The following ROR2 variants were observed in gnomAD, a reference collection of about 807,000 sequenced individuals.
ROR2 encodes ROR family WNT receptor 2.
In ROR2, 33 loss-of-function variants were observed where a neutral mutation model predicts 74.9. The observed-to-expected ratio is 0.44, with a 90% CI of 0.33 to 0.59. The LOEUF (loss-of-function observed/expected upper bound fraction) is 0.59. Among genes scored for constraint, ROR2 ranks in the 20% least tolerant of loss-of-function variants. ROR2 has a pLI of 0.02. For missense variants in ROR2, 1,216 were observed against 1,313.8 expected, an observed-to-expected ratio of 0.93 and a Z score of 1.15; for synonymous variants, 586 against 558.7, an observed-to-expected ratio of 1.05 and a Z score of -0.69.
At chr9:91,730,061 A>G (rs1309466922) in intron 7 of ROR2, among the ~76,000 whole-genome samples, 3 of 152,154 alleles carry the variant, frequency 2.0e-5, no homozygotes, top group African/African-American at 4.8e-5. Context: ...GGCTCAAGCA[A>G]TCCTCCCACC....
At chr9:91,863,713 G>C (rs1459448188) in intron 1 of ROR2, among the ~76,000 whole-genome samples, 1 of 152,138 alleles carries the variant, frequency 6.6e-6, no homozygotes, top group Non-Finnish European at 1.5e-5. Context: ...CAAATCCATA[G>C]AGATGGAAAG....
At chr9:91,861,564 A>G (rs1937165072) in intron 1 of ROR2, among the ~76,000 whole-genome samples, 2 of 152,246 alleles carry the variant, frequency 1.3e-5, no homozygotes, top group African/African-American at 4.8e-5. Flanking sequence ...ACACAAAGGA[A>G]TGAAGTTGGA....
At chr9:91,792,102 A>C (rs1291293012) in intron 1 of ROR2, among the ~76,000 whole-genome samples, 1 of 152,194 alleles carries the variant, frequency 6.6e-6, no homozygotes, top group Non-Finnish European at 1.5e-5. Flanking sequence ...AGCAGAGAAA[A>C]ATTTACAGCT....
At chr9:91,809,915 T>C (rs543629456) in intron 1 of ROR2, among the ~76,000 whole-genome samples, 41 of 152,222 alleles carry the variant, frequency 2.7e-4, no homozygotes, top group Non-Finnish European at 4.8e-4. Flanking sequence ...CAAGGGCAGC[T>C]GGAATTGAAA....
At chr9:91,852,710 C>T (rs1344503569) in intron 1 of ROR2, among the ~76,000 whole-genome samples, 1 of 151,362 alleles carries the variant, frequency 6.6e-6, no homozygotes, top group East Asian at 1.9e-4. Flanking sequence ...TGTAACAGGC[C>T]AAGGCACTGT....
At chr9:91,745,424 C>G (rs900200403) in intron 4 of ROR2, among the ~76,000 whole-genome samples, 2 of 88,572 alleles carry the variant, frequency 2.3e-5, no homozygotes, top group African/African-American at 8.8e-5. Flanking sequence ...CATGCCCAGC[C>G]TATTTTTTTT....
At chr9:91,911,132 C>G (rs963559193) in intron 1 of ROR2, among the ~76,000 whole-genome samples, 3 of 152,208 alleles carry the variant, frequency 2.0e-5, no homozygotes, top group Non-Finnish European at 4.4e-5. Context: ...TGCACACTAC[C>G]CCACCACCTG....
intron 1 of ROR2, among the ~76,000 whole-genome samples, chr9:91,939,864 C>A (rs989978145): frequency 6.6e-6 from 1 of 152,148 alleles, no homozygotes; most frequent in Admixed American, 6.5e-5. Context: ...AACAAGAGCA[C>A]CCACCAAAAG....
intron 1 of ROR2, among the ~76,000 whole-genome samples, chr9:91,830,484 A>C (rs940033759): frequency 3.3e-5 from 5 of 152,182 alleles, no homozygotes; most frequent in African/African-American, 9.7e-5. Flanking sequence ...AAACAAGAAA[A>C]GAAAAGAAAG....
chr9:91,742,572 C>T (rs1034153320), intron 4 of ROR2, among the ~76,000 whole-genome samples: 2 of 152,192 alleles, frequency 1.3e-5, no homozygotes, highest in African/African-American at 2.4e-5. Flanking sequence ...CACCACATAA[C>T]GATGTTTTTG....
At position 91,726,527 on chromosome 9, in the gene ROR2, T is replaced by TA; in HGVS notation, c.1386+13dup. ...GGAAGAGCCACCCGGGTAGAAAATGTAAGGCATGGAGACCTGTTTGTGCTG... is the reference window on the plus strand; with the variant it reads ...GGAAGAGCCACCCGGGTAGAAAATGTAAAGGCATGGAGACCTGTTTGTGCTG... On this transcript the variant is annotated intron_variant, in intron 8 of 8. Transcript: ENST00000375708. 6.2e-7 allele frequency: 1 copy of TA among 1,610,964 alleles called. No homozygotes were observed. The highest frequency in any genetic ancestry group is 8.5e-7 in the Non-Finnish European group (1 of 1,179,612).
At chr9:91,744,566 A>T (rs1345986450) in intron 4 of ROR2, among the ~76,000 whole-genome samples, 3 of 152,152 alleles carry the variant, frequency 2.0e-5, no homozygotes, top group Non-Finnish European at 4.4e-5. Context: ...TTCCTTGAGA[A>T]TTAGACGCTG....
chr9:91,925,649 A>G (rs1831378250), intron 1 of ROR2, among the ~76,000 whole-genome samples: 1 of 152,210 alleles, frequency 6.6e-6, no homozygotes, highest in South Asian at 2.1e-4. Flanking sequence ...AGTTTCTTGG[A>G]TGGCAGAAAA....
In ROR2 at chr9:91,723,482, G is replaced by A. The variant is rs542396423; in HGVS notation, c.*180C>T. On this transcript the variant is annotated 3_prime_UTR_variant, in exon 9 of 9. Coordinates refer to ENST00000375708, the MANE Select transcript of ROR2 (RefSeq NM_004560.4). ...GCCTGGCTTGGGTGCTCCTAGGCAGGGCAGCTCTCTGTGTCAGAGGACAGA... is the reference window on the plus strand; with the variant it reads ...GCCTGGCTTGGGTGCTCCTAGGCAGAGCAGCTCTCTGTGTCAGAGGACAGA... 5.2e-6 allele frequency: 5 copies of A among 965,920 alleles called. No homozygotes were observed. In the African/African-American group the frequency reaches 8.9e-5, roughly 17 times the overall value. The allele number at this position is 965,920 out of a possible 1,614,324, so 59.8% of individuals were successfully genotyped here.
chr9:91,941,394 T>C (rs570794666), intron 1 of ROR2, among the ~76,000 whole-genome samples: 3 of 152,220 alleles, frequency 2.0e-5, no homozygotes, highest in Non-Finnish European at 2.9e-5. Flanking sequence ...CACTAATGTG[T>C]CACTCTTGCC....
At chr9:91,811,637 T>C (rs73513287) in intron 1 of ROR2, among the ~76,000 whole-genome samples, 13,401 of 152,254 alleles carry the variant, frequency 0.088, 945 homozygotes, top group African/African-American at 0.19. Context: ...GCTCTCACCC[T>C]GGGCCACCAT....
chr9:91,872,416 T>C (rs1052466051), intron 1 of ROR2, among the ~76,000 whole-genome samples: 3 of 152,164 alleles, frequency 2.0e-5, no homozygotes, highest in African/African-American at 7.2e-5. Flanking sequence ...TTCCAATACA[T>C]CCAATGACTA....
intron 1 of ROR2, among the ~76,000 whole-genome samples, chr9:91,928,960 A>C (rs1336623681): frequency 1.3e-5 from 2 of 152,242 alleles, no homozygotes; most frequent in Non-Finnish European, 2.9e-5. Flanking sequence ...TTGAATAGAA[A>C]GACTGGCAAG....
intron 1 of ROR2, among the ~76,000 whole-genome samples, chr9:91,879,991 T>C (rs1312874242): frequency 6.6e-6 from 1 of 152,140 alleles, no homozygotes; most frequent in Non-Finnish European, 1.5e-5. Context: ...ATACAAAGCA[T>C]AGCTCCTAAT....
Sources: allele counts gnomAD v4.1 joint callset (sites outside exome capture counted in the v4.1 genomes callset), GRCh38; gene constraint gnomAD v4.1.1; transcripts MANE v1.5; gene names NCBI Gene and HGNC (gene_info 2026-07-23, HGNC 2026-07-21).